The following LYPD6 variants were observed in gnomAD, a reference collection of about 807,000 sequenced individuals.
LYPD6 encodes the protein LY6/PLAUR domain containing 6.
In LYPD6, 15 loss-of-function variants were observed where a neutral mutation model predicts 22.7. The observed-to-expected ratio is 0.66, with a 90% confidence interval of 0.44 to 1.02. The LOEUF (loss-of-function observed/expected upper bound fraction) is 1.02. Among genes scored for constraint, LYPD6 ranks in the 50% least tolerant of loss-of-function variants. The pLI, the probability that LYPD6 is intolerant of heterozygous loss-of-function variation, is 0.00. For missense variants in LYPD6, 189 were observed against 208.4 expected (o/e 0.91, Z 0.57); for synonymous variants, 72 against 77.5 (o/e 0.93, Z 0.37).
chr2:149,428,581 A>C (rs1683236243), intron 1 of LYPD6, among the ~76,000 whole-genome samples: 3 of 152,164 alleles, frequency 2.0e-5, no homozygotes. Flanking sequence ...CACTTGAAAA[A>C]TATTCAGGAA....
chr2:149,375,051 G>T (rs1681887350), intron 1 of LYPD6, among the ~76,000 whole-genome samples: 1 of 152,108 alleles, frequency 6.6e-6, no homozygotes, highest in Admixed American at 6.6e-5. Flanking sequence ...GAGAGACTTG[G>T]GGGTTGTCCA....
chr2:149,470,104 C>T (rs926149148), intron 4 of LYPD6, among the ~76,000 whole-genome samples: 9 of 152,126 alleles, frequency 5.9e-5, no homozygotes, highest in African/African-American at 1.9e-4. Context: ...GTCACTAACT[C>T]TGTGGGTTTA....
At chr2:149,437,572 G>C in intron 1 of LYPD6, 66 bp from the exon 2 acceptor site, 1 of 1,411,850 alleles carries the variant, frequency 7.1e-7, no homozygotes, top group East Asian at 2.3e-5. Flanking sequence ...CAGCATGGGA[G>C]CTCAGCCAAG....
chr2:149,448,437 A>C (rs1683734032), intron 2 of LYPD6, among the ~76,000 whole-genome samples: 1 of 152,176 alleles, frequency 6.6e-6, no homozygotes, highest in Admixed American at 6.5e-5. Context: ...TAATTTTATC[A>C]TGTGTAGGTT....
chr2:149,460,292 C>G (rs1296202765), intron 3 of LYPD6, among the ~76,000 whole-genome samples: 1 of 151,756 alleles, frequency 6.6e-6, no homozygotes, highest in African/African-American at 2.4e-5. Flanking sequence ...AAATTTACTT[C>G]AAAATAATTA....
intron 1 of LYPD6, among the ~76,000 whole-genome samples, chr2:149,373,693 A>G (rs1442061432): frequency 2.6e-5 from 4 of 152,160 alleles, no homozygotes; most frequent in African/African-American, 9.7e-5. Flanking sequence ...TCTCAGCAAG[A>G]TTGGCTTATT....
chr2:149,390,707 G>A (rs1028945920), intron 1 of LYPD6, among the ~76,000 whole-genome samples: 17 of 152,046 alleles, frequency 1.1e-4, no homozygotes, highest in African/African-American at 4.1e-4. Flanking sequence ...ATGACTTCTT[G>A]ATGTCCAGCA....
Position 149,468,652 on chromosome 2 carries a change from A to G in LYPD6, c.225A>G (p.Arg75=), listed in dbSNP as rs768786502. ...APDIYCPRET[R]YCYTQHTMEV... Reference sequence around the variant, plus strand: ...TATTTTCTCTGTTGACAGAGACCAGATACTGCTACACTCAGCACACAATGG... The same window carrying G: ...TATTTTCTCTGTTGACAGAGACCAGGTACTGCTACACTCAGCACACAATGG... Residue 75 remains arginine (R), a synonymous_variant, in exon 4 of 5, where the codon AGA becomes AGG. Transcript: ENST00000334166. 2.5e-6 allele frequency: 4 copies of G among 1,612,732 alleles called. No homozygotes were observed. Among genetic ancestry groups the G allele is most frequent in the Admixed American group, 1.7e-5 (1 of 59,870 alleles).
chr2:149,475,243 T>C (rs1295852654), downstream of LYPD6, among the ~76,000 whole-genome samples: 1 of 152,036 alleles, frequency 6.6e-6, no homozygotes, highest in Non-Finnish European at 1.5e-5. Flanking sequence ...CTACTAGGAG[T>C]GAAGTACATG....
At chr2:149,442,721 C>A (rs1683595870) in intron 2 of LYPD6, among the ~76,000 whole-genome samples, 1 of 151,790 alleles carries the variant, frequency 6.6e-6, no homozygotes, top group Non-Finnish European at 1.5e-5. Flanking sequence ...CATCTGTAGA[C>A]CTCATTTCTG....
At chr2:149,340,347 T>C (rs1681136753) in intron 1 of LYPD6, among the ~76,000 whole-genome samples, 1 of 152,176 alleles carries the variant, frequency 6.6e-6, no homozygotes, top group African/African-American at 2.4e-5. Context: ...TTAGATAATA[T>C]AATCATTTAC....
chr2:149,461,620 TA>T (rs747029926), intron 3 of LYPD6, among the ~76,000 whole-genome samples: 9 of 151,944 alleles, frequency 5.9e-5, no homozygotes, highest in Non-Finnish European at 5.9e-5. Context: ...TCCAATCTAT[TA>T]TTTTTTTATG....
At chr2:149,470,586 T>C in intron 4 of LYPD6, 97 bp from the exon 5 acceptor site, 1 of 1,019,066 alleles carries the variant, frequency 9.8e-7, no homozygotes, top group Non-Finnish European at 1.5e-6. Flanking sequence ...TAATTTTTAC[T>C]TGCATCTTGC....
chr2:149,443,369 A>G (rs989573496), intron 2 of LYPD6, among the ~76,000 whole-genome samples: 1 of 152,240 alleles, frequency 6.6e-6, no homozygotes, highest in Non-Finnish European at 1.5e-5. Flanking sequence ...ACAGACAGAT[A>G]AAATTGGATG....
In LYPD6 at chr2:149,437,666, G is replaced by GC; in HGVS notation, c.-40dup. 6.2e-7 allele frequency: 1 copy of GC among 1,607,346 alleles called. No individual in the cohort carries two copies. Among genetic ancestry groups the GC allele is most frequent in the South Asian group, 1.1e-5 (1 of 90,828 alleles). On this transcript the variant is annotated 5_prime_UTR_variant, in exon 2 of 5. It introduces an in-frame stop codon into an upstream open reading frame of the 5' UTR. Coordinates refer to ENST00000334166, the MANE Select transcript of LYPD6 (RefSeq NM_194317.5). ...CAAGTTCTCTCCTGTTGCCCTGAGT[G>GC]CCCACTCCCAGGCCCTCTGTATGAG...
At chr2:149,332,039 G>A (rs1034600797) in intron 1 of LYPD6, among the ~76,000 whole-genome samples, 2 of 152,316 alleles carry the variant, frequency 1.3e-5, no homozygotes, top group Non-Finnish European at 2.9e-5. Flanking sequence ...GCGCTCACGT[G>A]TACCAAGTTT....
At chr2:149,407,142 C>G (rs150395454) in intron 1 of LYPD6, among the ~76,000 whole-genome samples, 1,817 of 152,262 alleles carry the variant, frequency 0.012, 41 homozygotes, top group African/African-American at 0.041. Flanking sequence ...TTAACCCGAC[C>G]GTTCTCTCTG....
intron 1 of LYPD6, among the ~76,000 whole-genome samples, chr2:149,425,861 T>C (rs2105137735): frequency 6.6e-6 from 1 of 152,366 alleles, no homozygotes; most frequent in East Asian, 1.9e-4. Context: ...AATTATAGTT[T>C]AGGTTGATTT....
intron 1 of LYPD6, among the ~76,000 whole-genome samples, chr2:149,430,936 A>G (rs904675545): frequency 2.0e-5 from 3 of 152,166 alleles, no homozygotes; most frequent in Non-Finnish European, 4.4e-5. Context: ...ATTGTCTAGT[A>G]CCATCCACAC....
Sources: allele counts gnomAD v4.1 joint callset (sites outside exome capture counted in the v4.1 genomes callset), GRCh38; gene constraint gnomAD v4.1.1; transcripts MANE v1.5; gene names NCBI Gene and HGNC (gene_info 2026-07-23, HGNC 2026-07-21).